The following SLC25A24 variants were observed in gnomAD, a reference collection of about 807,000 sequenced individuals.
SLC25A24 encodes the protein solute carrier family 25 member 24.
In SLC25A24, 49 loss-of-function variants were observed where a neutral mutation model predicts 60.7. The observed-to-expected ratio is 0.81, with a 90% CI of 0.64 to 1.02. The LOEUF is 1.02. Ranked by LOEUF, SLC25A24 falls within the 50% of genes least tolerant of loss-of-function variation. The probability of loss-of-function intolerance (pLI) is 0.00; values close to 1 mark genes in which losing one functional copy is unlikely to be tolerated. For synonymous variants in SLC25A24, 202 were observed against 200.6 expected, an observed-to-expected ratio of 1.01 and a Z score of -0.06; for missense variants, 564 against 586.3, an observed-to-expected ratio of 0.96 and a Z score of 0.39.
At chr1:108,192,894 G>T in intron 1 of SLC25A24, 1 of 620,350 alleles carries the variant, frequency 1.6e-6, no homozygotes, top group Non-Finnish European at 2.2e-6. Flanking sequence ...AGACCGCGGA[G>T]TTCCTGCCTC....
Position 108,163,597 on chromosome 1 carries a change from G to C in SLC25A24, c.399-2304C>G, listed in dbSNP as rs1389002121. 2.6e-5 allele frequency among the ~76,000 whole-genome samples: 4 copies of C among 152,206 alleles called. No individual in the cohort carries two copies. In the East Asian group the frequency reaches 7.7e-4, roughly 29 times the overall value. On this transcript the variant is annotated intron_variant, in intron 3 of 9. Coordinates refer to ENST00000565488, the MANE Select transcript of SLC25A24 (RefSeq NM_013386.5). ...TCACTCATGATTTGGCTCTCTGTCT[G>C]TTGCTGGTGTATAAGAATGCTTGTG...
chr1:108,194,300 C>T (rs1271450475), intron 1 of SLC25A24, among the ~76,000 whole-genome samples: 2 of 138,138 alleles, frequency 1.4e-5, no homozygotes, highest in African/African-American at 5.0e-5. Flanking sequence ...TGCTGTTTCA[C>T]AAGATGTGCT....
intron 3 of SLC25A24, among the ~76,000 whole-genome samples, chr1:108,171,130 G>A (rs1647446220): frequency 6.6e-6 from 1 of 151,764 alleles, no homozygotes; most frequent in Admixed American, 6.6e-5. Context: ...TCAATCTTAT[G>A]TTTATGTATT....
chr1:108,150,400 G>C (rs1238356266), intron 6 of SLC25A24, among the ~76,000 whole-genome samples: 2 of 152,274 alleles, frequency 1.3e-5, no homozygotes, highest in Non-Finnish European at 2.9e-5. Flanking sequence ...AACTTGCCAA[G>C]GCTACAGAAC....
rs779823639 is a variant in SLC25A24, at chr1:108,192,851, C to G, written c.184-6897G>C. On this transcript the variant is annotated intron_variant, in intron 1 of 9. Transcript: ENST00000565488. ...AGGCGCGAGCGCGCAGGACCCGGGACCTGCGTGGGACCGCACTCTGGGCTG... is the reference window on the plus strand; with the variant it reads ...AGGCGCGAGCGCGCAGGACCCGGGAGCTGCGTGGGACCGCACTCTGGGCTG... 357 of 1,037,308 alleles carry G rather than the reference C, an allele frequency of 3.4e-4. 48 individuals carry two copies. The highest frequency in any genetic ancestry group is 4.3e-4 in the Non-Finnish European group (348 of 816,508). The allele number at this position is 1,037,308 out of a possible 1,614,324, so 64.3% of individuals were successfully genotyped here.
At chr1:108,144,479 G>A (rs866522873) in intron 7 of SLC25A24, among the ~76,000 whole-genome samples, 4 of 152,152 alleles carry the variant, frequency 2.6e-5, no homozygotes, top group Middle Eastern at 6.8e-3. Context: ...TGTGCAGAAC[G>A]TGCAGGTTTG....
Position 108,162,651 on chromosome 1 carries a change from T to G in SLC25A24, c.399-1358A>C, listed in dbSNP as rs1295800809. Among the ~76,000 whole-genome samples the G allele has an allele frequency of 5.3e-5, 8 of 152,322 alleles. No individual in the cohort carries two copies. The South Asian group carries it at 1.7e-3, about 32-fold the overall frequency. ...CTTTTTGATAGGGTTGTTTGTTTTT[T>G]TCTTGTAAATTTGTTTGAGTTCATT... is the stretch of plus-strand genomic sequence containing the variant. On this transcript the variant is annotated intron_variant, in intron 3 of 9. Coordinates refer to ENST00000565488, the MANE Select transcript of SLC25A24 (RefSeq NM_013386.5).
At chr1:108,170,340 C>T (rs78330559) in intron 3 of SLC25A24, among the ~76,000 whole-genome samples, 1 of 152,074 alleles carries the variant, frequency 6.6e-6, no homozygotes. Context: ...TCTTGTGATA[C>T]CAGTTCTTTG....
chr1:108,178,078 G>A (rs760722310), intron 3 of SLC25A24, among the ~76,000 whole-genome samples: 118 of 152,036 alleles, frequency 7.8e-4, no homozygotes, highest in Non-Finnish European at 9.0e-4. Context: ...CAGGAGAATC[G>A]CTTGAACCGT....
At position 108,181,929 on chromosome 1, in the gene SLC25A24, T is replaced by C; in HGVS notation, c.398+12A>G. The C allele has an allele frequency of 1.9e-6, 3 of 1,587,900 alleles. No homozygotes were observed. The highest frequency in any genetic ancestry group is 1.7e-5 in the Admixed American group (1 of 59,524). On this transcript the variant is annotated intron_variant, in intron 3 of 9. Coordinates refer to ENST00000565488, the MANE Select transcript of SLC25A24 (RefSeq NM_013386.5). ...AGTGAAAGTCAATTGTTGACCAACA[T>C]GAAGAGCTTACCTTTGAAGAATCAA... is the stretch of plus-strand genomic sequence containing the variant.
intron 3 of SLC25A24, among the ~76,000 whole-genome samples, chr1:108,167,860 A>C (rs770699879): frequency 6.6e-5 from 10 of 152,214 alleles, no homozygotes; most frequent in Admixed American, 3.9e-4. Flanking sequence ...TAAAATTAAC[A>C]TACTGTACTC....
At position 108,144,963 on chromosome 1, in the gene SLC25A24, G is replaced by C. The variant is rs373567353; in HGVS notation, c.931-1253C>G. Among the ~76,000 whole-genome samples, 4 of 152,108 alleles carry C rather than the reference G, an allele frequency of 2.6e-5. No individual in the cohort carries two copies. In the East Asian group the frequency reaches 5.8e-4, roughly 22 times the overall value. ...ATATAACCAGTAATGGGATTGCTGG[G>C]TCAAACGGTATTTCTGGTTCTAGAT... On this transcript the variant is annotated intron_variant, in intron 7 of 9. Coordinates refer to ENST00000565488, the MANE Select transcript of SLC25A24 (RefSeq NM_013386.5).
Position 108,148,403 on chromosome 1 carries a change from TA to T in SLC25A24, c.823-18del, listed in dbSNP as rs768647644. The T allele has an allele frequency of 8.6e-6, 12 of 1,392,358 alleles. No individual in the cohort carries two copies. In the Admixed American group the frequency reaches 2.0e-4, roughly 23 times the overall value. 86.3% of individuals were successfully genotyped at this position (1,392,358 alleles called of 1,614,324 possible). ...CTTCTTGTACTGTATAAACAAGTTT[TA>T]AAATGCACATTACTACCTGCTGTGG... On this transcript the variant is annotated intron_variant, in intron 6 of 9. Transcript: ENST00000565488.
intron 2 of SLC25A24, among the ~76,000 whole-genome samples, 195 bp from the exon 3 acceptor site, chr1:108,182,223 A>G (rs1039168062): frequency 2.6e-5 from 4 of 152,234 alleles, no homozygotes; most frequent in African/African-American, 9.6e-5. Context: ...ACATTAAAAA[A>G]TAAATACACA....
intron 7 of SLC25A24, among the ~76,000 whole-genome samples, 167 bp from the exon 8 acceptor site, chr1:108,143,877 T>C (rs1046032111): frequency 1.3e-5 from 2 of 152,182 alleles, no homozygotes; most frequent in Non-Finnish European, 2.9e-5. Context: ...ATTGGGGGGC[T>C]AAGACCAAAG....
Position 108,157,458 on chromosome 1 carries a change from T to C in SLC25A24, c.669+4A>G. The C allele has an allele frequency of 5.0e-6, 8 of 1,612,554 alleles. No homozygotes were observed. The highest frequency in any genetic ancestry group is 6.8e-6 in the Non-Finnish European group (8 of 1,178,918). On this transcript the variant is annotated splice_donor_region_variant and intron_variant, in intron 5 of 9. Coordinates refer to ENST00000565488, the MANE Select transcript of SLC25A24 (RefSeq NM_013386.5). ...AAACCTGGACACACGATAATAAAGCTCACCTGCATCATGATTTTCAGACGG... is the reference window on the plus strand; with the variant it reads ...AAACCTGGACACACGATAATAAAGCCCACCTGCATCATGATTTTCAGACGG...
intron 3 of SLC25A24, among the ~76,000 whole-genome samples, chr1:108,172,831 A>C (rs1404194504): frequency 2.0e-5 from 3 of 152,230 alleles, no homozygotes; most frequent in African/African-American, 7.2e-5. Flanking sequence ...CATGATGGTT[A>C]TATAACTACA....
intron 6 of SLC25A24, among the ~76,000 whole-genome samples, chr1:108,150,148 T>C (rs1218887579): frequency 6.6e-6 from 1 of 152,272 alleles, no homozygotes; most frequent in East Asian, 1.9e-4. Context: ...TGAAGGTACC[T>C]TTTATACCTT....
intron 5 of SLC25A24, among the ~76,000 whole-genome samples, chr1:108,156,044 A>G (rs1679889120): frequency 6.6e-6 from 1 of 152,262 alleles, no homozygotes; most frequent in East Asian, 1.9e-4. Flanking sequence ...ACGGGCCCCA[A>G]TAAGAACTCT....
Sources: gnomAD v4.1 joint callset for allele counts (sites outside exome capture counted in the v4.1 genomes callset) on GRCh38, gnomAD v4.1.1 for gene constraint, MANE v1.5 for transcripts, NCBI Gene and HGNC (gene_info 2026-07-23, HGNC 2026-07-21) for gene names.